IGSF10: variants seen among roughly 807,000 people sequenced by gnomAD.
The protein encoded by IGSF10 is immunoglobulin superfamily member 10.
A neutral mutation model predicts 128.2 loss-of-function variants in IGSF10; 126 were observed. The ratio of observed to expected loss-of-function variants is 0.98; its 90% confidence interval spans 0.85 to 1.14. IGSF10 has a LOEUF of 1.14. Ranked by LOEUF, IGSF10 falls within the 50% of genes most tolerant of loss-of-function variation. IGSF10 has a pLI of 0.00. For missense variants in IGSF10, 3,295 were observed against 3,149.8 expected, an observed-to-expected ratio of 1.05 and a Z score of -1.10; for synonymous variants, 1,185 against 1,146.2, an observed-to-expected ratio of 1.03 and a Z score of -0.68.
chr3:151,605,860 C>T, the IGSF10 span, among the ~76,000 whole-genome samples: 1 of 152,192 alleles, frequency 6.6e-6, no homozygotes, highest in Admixed American at 6.5e-5. Context: ...GTTTCCAAAG[C>T]TTAGACTATA....
the IGSF10 span, among the ~76,000 whole-genome samples, chr3:151,534,739 C>A: frequency 6.6e-6 from 1 of 151,398 alleles, no homozygotes; most frequent in Non-Finnish European, 1.5e-5. Flanking sequence ...GCCACCACGG[C>A]ATGTGTGTAC....
chr3:151,510,028 C>T, the IGSF10 span, among the ~76,000 whole-genome samples: 1 of 152,242 alleles, frequency 6.6e-6, no homozygotes, highest in South Asian at 2.1e-4. Context: ...CTGCCTGCCT[C>T]TGTAGGCTCC....
At chr3:151,618,076 C>T in the IGSF10 span, among the ~76,000 whole-genome samples, 824 of 152,168 alleles carry the variant, frequency 5.4e-3, 2 homozygotes, top group South Asian at 1.0e-2. Flanking sequence ...GGAGGTGGGG[C>T]CTTTGGGAGT....
At chr3:151,564,127 C>G in the IGSF10 span, among the ~76,000 whole-genome samples, 1 of 152,190 alleles carries the variant, frequency 6.6e-6, no homozygotes, top group Non-Finnish European at 1.5e-5. Flanking sequence ...TTACCACAAA[C>G]CTTGCATTGG....
the IGSF10 span, among the ~76,000 whole-genome samples, chr3:151,553,600 C>T: frequency 6.8e-6 from 1 of 148,120 alleles, no homozygotes; most frequent in Non-Finnish European, 1.5e-5. Flanking sequence ...TTTCAGAGCT[C>T]TCTCTCTCTC....
the IGSF10 span, among the ~76,000 whole-genome samples, chr3:151,618,876 T>C: frequency 2.0e-5 from 3 of 151,306 alleles, no homozygotes; most frequent in Non-Finnish European, 4.4e-5. Context: ...CTTTTTTTCA[T>C]ATATTTTGTA....
At chr3:151,461,279 G>T, upstream of IGSF10, 1 of 985,282 alleles carries the variant, frequency 1.0e-6, no homozygotes, top group Non-Finnish European at 1.2e-6. Flanking sequence ...TTCAGTGGCC[G>T]CCCGTTCATT....
At chr3:151,523,332 G>A in the IGSF10 span, among the ~76,000 whole-genome samples, 115 of 152,006 alleles carry the variant, frequency 7.6e-4, no homozygotes, top group African/African-American at 2.5e-3. Context: ...AATTCATATG[G>A]AACAAAAAAA....
At chr3:151,486,128 C>CA in the IGSF10 span, among the ~76,000 whole-genome samples, 2,182 of 151,736 alleles carry the variant, frequency 0.014, 19 homozygotes, top group Middle Eastern at 0.034. Flanking sequence ...AAATGGAAAG[C>CA]AAAAAACAAA....
At chr3:151,507,893 G>A in the IGSF10 span, among the ~76,000 whole-genome samples, 1 of 151,258 alleles carries the variant, frequency 6.6e-6, no homozygotes, top group Non-Finnish European at 1.5e-5. Flanking sequence ...AAAGAAAGCT[G>A]TCAATAAATA....
At chr3:151,598,105 G>GTGTA in the IGSF10 span, among the ~76,000 whole-genome samples, 25 of 148,906 alleles carry the variant, frequency 1.7e-4, no homozygotes, top group Non-Finnish European at 3.6e-4. Context: ...GTGTGTGTGT[G>GTGTA]TGTGTGAATA....
the IGSF10 span, among the ~76,000 whole-genome samples, chr3:151,502,498 C>G: frequency 1.3e-5 from 2 of 152,022 alleles, no homozygotes; most frequent in African/African-American, 4.8e-5. Context: ...CAAAAACTCT[C>G]TCCATAGATT....
the IGSF10 span, among the ~76,000 whole-genome samples, chr3:151,473,055 G>A: frequency 2.0e-5 from 3 of 152,312 alleles, no homozygotes; most frequent in Admixed American, 6.5e-5. Context: ...TGCCATCCTA[G>A]TTGTGGACAG....
chr3:151,515,926 T>C, the IGSF10 span, among the ~76,000 whole-genome samples: 2 of 152,022 alleles, frequency 1.3e-5, no homozygotes, highest in East Asian at 1.9e-4. Flanking sequence ...TCATGTTTCA[T>C]GGTTATATAA....
At chr3:151,462,437 G>A (rs902767603), upstream of IGSF10, among the ~76,000 whole-genome samples, 3 of 152,180 alleles carry the variant, frequency 2.0e-5, no homozygotes, top group African/African-American at 7.2e-5. Context: ...CTGGTTTAGT[G>A]AAATAACTTC....
chr3:151,489,552 G>A, the IGSF10 span, among the ~76,000 whole-genome samples: 1 of 152,062 alleles, frequency 6.6e-6, no homozygotes, highest in Non-Finnish European at 1.5e-5. Context: ...ATTCAAAATA[G>A]CAAAGACTTA....
chr3:151,573,824 C>T, the IGSF10 span, among the ~76,000 whole-genome samples: 3 of 152,306 alleles, frequency 2.0e-5, no homozygotes, highest in African/African-American at 4.8e-5. Flanking sequence ...TTTCTAGCAT[C>T]GATGGTCTTT....
At chr3:151,497,319 T>TA in the IGSF10 span, among the ~76,000 whole-genome samples, 3 of 152,232 alleles carry the variant, frequency 2.0e-5, no homozygotes, top group African/African-American at 7.2e-5. Context: ...GTCTAACTTT[T>TA]AAGTCTTTAA....
chr3:151,556,514 G>A, the IGSF10 span, among the ~76,000 whole-genome samples: 1 of 152,032 alleles, frequency 6.6e-6, no homozygotes, highest in Non-Finnish European at 1.5e-5. Context: ...TGAACAAGAT[G>A]TAAGAAGCTT....
Sources: gnomAD v4.1 joint callset for allele counts (sites outside exome capture counted in the v4.1 genomes callset) on GRCh38, gnomAD v4.1.1 for gene constraint, MANE v1.5 for transcripts, NCBI Gene and HGNC (gene_info 2026-07-23, HGNC 2026-07-21) for gene names.